The following HERC4 variants were observed in gnomAD, a reference collection of about 807,000 sequenced individuals.
HERC4 encodes the protein probable E3 ubiquitin-protein ligase HERC4.
Under a neutral mutation model 124.3 loss-of-function variants are expected in HERC4, and 28 were observed. The ratio of observed to expected loss-of-function variants is 0.23; its 90% CI spans 0.17 to 0.31. The LOEUF is 0.31. Ranked by LOEUF, HERC4 falls within the 10% of genes least tolerant of loss-of-function variation. The pLI is 1.00. For synonymous variants in HERC4, 407 were observed against 421.5 expected (o/e 0.97, Z 0.42); for missense variants, 713 against 1,229.3 (o/e 0.58, Z 6.28).
At chr10:68,014,315 C>T in intron 8 of HERC4, 129 bp from the exon 9 acceptor site, 1 of 784,868 alleles carries the variant, frequency 1.3e-6, no homozygotes, top group East Asian at 2.8e-5. Context: ...ATTGTAGTTC[C>T]AAAGCTTCTG....
At chr10:67,953,301 A>C (rs537700938) in intron 19 of HERC4, among the ~76,000 whole-genome samples, 4 of 152,354 alleles carry the variant, frequency 2.6e-5, no homozygotes, top group African/African-American at 9.6e-5. Flanking sequence ...AACAATTTTA[A>C]ATTATATCAA....
chr10:67,941,565 T>C (rs1244950023), intron 19 of HERC4, among the ~76,000 whole-genome samples: 1 of 151,832 alleles, frequency 6.6e-6, no homozygotes, highest in Non-Finnish European at 1.5e-5. Flanking sequence ...TATTTCCACC[T>C]ATAATAAGCT....
intron 15 of HERC4, among the ~76,000 whole-genome samples, chr10:67,983,459 G>A (rs1481123216): frequency 6.6e-6 from 1 of 152,056 alleles, no homozygotes; most frequent in Non-Finnish European, 1.5e-5. Context: ...GCCAAGATTT[G>A]GAAGCAATCT....
At chr10:68,018,807 T>C (rs1249458031) in intron 8 of HERC4, among the ~76,000 whole-genome samples, 1 of 151,904 alleles carries the variant, frequency 6.6e-6, no homozygotes. Context: ...AGTCTGGATG[T>C]TGATTATTAG....
chr10:68,028,052 G>A (rs541921663), intron 7 of HERC4, among the ~76,000 whole-genome samples: 1 of 147,760 alleles, frequency 6.8e-6, no homozygotes, highest in East Asian at 2.0e-4. Flanking sequence ...ATCCCCATTA[G>A]GTTTAATGGT....
chr10:68,059,496 T>C (rs1395104074), intron 3 of HERC4, among the ~76,000 whole-genome samples: 6 of 127,684 alleles, frequency 4.7e-5, no homozygotes, highest in Non-Finnish European at 7.9e-5. Flanking sequence ...TATTATAACA[T>C]TATATATTAT....
At chr10:67,971,260 AAAG>A (rs1167706997) in intron 15 of HERC4, among the ~76,000 whole-genome samples, 34 of 152,148 alleles carry the variant, frequency 2.2e-4, no homozygotes, top group Non-Finnish European at 4.4e-4. Flanking sequence ...TTCAGAAAAT[AAAG>A]AAGGATCATT....
intron 15 of HERC4, among the ~76,000 whole-genome samples, chr10:67,976,286 C>G (rs915743289): frequency 1.1e-4 from 17 of 152,076 alleles, no homozygotes; most frequent in Admixed American, 3.9e-4. Context: ...AATAGTTATA[C>G]AAAAAACACA....
At chr10:67,959,158 T>C (rs1564960905) in intron 16 of HERC4, 3 of 1,575,614 alleles carry the variant, frequency 1.9e-6, no homozygotes, top group Non-Finnish European at 1.7e-6. Context: ...GTGCAGAATA[T>C]AACAATAACG....
chr10:67,924,566 C>T (rs1006193885), intron 24 of HERC4, among the ~76,000 whole-genome samples: 1 of 152,142 alleles, frequency 6.6e-6, no homozygotes, highest in Non-Finnish European at 1.5e-5. Flanking sequence ...GGACCACTAT[C>T]GTATATATGG....
At chr10:67,940,906 C>G in intron 20 of HERC4, 33 bp downstream of exon 20, 1 of 1,589,170 alleles carries the variant, frequency 6.3e-7, no homozygotes, top group Non-Finnish European at 8.6e-7. Context: ...CCTCCCAAAC[C>G]CTACTACTTT....
In HERC4 at chr10:67,967,076, G is replaced by C. The variant is rs551029667; in HGVS notation, c.1807-274C>G. 5.9e-5 allele frequency among the ~76,000 whole-genome samples: 9 copies of C among 152,266 alleles called. No homozygotes were observed. The South Asian group carries it at 8.3e-4, about 14-fold the overall frequency. On this transcript the variant is annotated intron_variant, in intron 15 of 24. Coordinates refer to ENST00000373700, the MANE Select transcript of HERC4 (RefSeq NM_015601.4). ...TCATCGTGTTAGCCAGGATGGTCTC[G>C]ATCTCCTGACCTTGTGATCTGTCCA...
Position 68,038,082 on chromosome 10 carries a change from C to G in HERC4, c.463+11G>C, listed in dbSNP as rs184788972. 90 of 1,412,168 alleles carry G rather than the reference C, an allele frequency of 6.4e-5. No homozygotes were observed. In the African/African-American group the frequency reaches 1.3e-3, roughly 20 times the overall value. 87.5% of individuals were successfully genotyped at this position (1,412,168 alleles called of 1,614,324 possible). On this transcript the variant is annotated intron_variant, in intron 5 of 24. Transcript: ENST00000373700. ...AAACTGAAGAGAAATAAAATAAAAA[C>G]TAATGCTTACCTTTAGAAAGTGCAA...
chr10:68,053,462 C>A (rs2040412590), intron 3 of HERC4, among the ~76,000 whole-genome samples: 1 of 151,872 alleles, frequency 6.6e-6, no homozygotes, highest in South Asian at 2.1e-4. Context: ...AGCTACCACA[C>A]CCCATTAATT....
intron 9 of HERC4, among the ~76,000 whole-genome samples, chr10:68,002,765 AT>A (rs1351333985): frequency 1.3e-5 from 2 of 151,592 alleles, no homozygotes; most frequent in African/African-American, 2.4e-5. Flanking sequence ...CACCCAGCTA[AT>A]TTTTTGTATT....
intron 16 of HERC4, chr10:67,960,810 T>A: frequency 3.9e-6 from 1 of 255,254 alleles, no homozygotes. Context: ...GCTCCCTGGT[T>A]TTCCCAGTTC....
At position 68,064,929 on chromosome 10, in the gene HERC4, G is replaced by A. The variant is rs758111049; in HGVS notation, c.226+7954C>T. Among the ~76,000 whole-genome samples the A allele has an allele frequency of 4.0e-5, 6 of 149,726 alleles. No homozygotes were observed. The South Asian group carries it at 8.4e-4, about 21-fold the overall frequency. ...AGAGGCTAGGGTGAGTGGAGATCGC[G>A]CCATGCACTCCAGCTTGGGTGACAG... On this transcript the variant is annotated intron_variant, in intron 3 of 24. Coordinates refer to ENST00000373700, the MANE Select transcript of HERC4 (RefSeq NM_015601.4).
chr10:67,922,804 G>T lies in HERC4; in HGVS notation c.*127C>A. ...TATTTTTTGGCTTCCATGAACACTCGTAGATTGAACATTCTGCAAGTAAGA... is the reference window on the plus strand; with the variant it reads ...TATTTTTTGGCTTCCATGAACACTCTTAGATTGAACATTCTGCAAGTAAGA... On this transcript the variant is annotated 3_prime_UTR_variant, in exon 25 of 25. Coordinates refer to ENST00000373700, the MANE Select transcript of HERC4 (RefSeq NM_015601.4). 3 of 680,178 alleles carry T rather than the reference G, an allele frequency of 4.4e-6. No individual in the cohort carries two copies. Among genetic ancestry groups the T allele is most frequent in the Non-Finnish European group, 2.5e-6 (1 of 398,998 alleles). 42.1% of individuals were successfully genotyped at this position (680,178 alleles called of 1,614,324 possible). A position where few individuals can be genotyped will look rare whatever the true frequency, so the allele number is the denominator to read the frequency against.
chr10:67,924,553 A>G (rs1351148289), intron 24 of HERC4, among the ~76,000 whole-genome samples: 12 of 152,188 alleles, frequency 7.9e-5, no homozygotes, highest in Non-Finnish European at 1.2e-4. Context: ...TTATAATCTT[A>G]CAGGACCACT....
Sources: allele counts gnomAD v4.1 joint callset (sites outside exome capture counted in the v4.1 genomes callset), GRCh38; gene constraint gnomAD v4.1.1; transcripts MANE v1.5; gene names NCBI Gene and HGNC (gene_info 2026-07-23, HGNC 2026-07-21).